The following PDE4B variants were observed in gnomAD, a reference collection of about 807,000 sequenced individuals.
The protein encoded by PDE4B is phosphodiesterase 4B.
In PDE4B, 20 loss-of-function variants were observed where a neutral mutation model predicts 82.2. The ratio of observed to expected loss-of-function variants is 0.24; its 90% CI spans 0.17 to 0.35. The LOEUF (loss-of-function observed/expected upper bound fraction) is 0.35. PDE4B is among the 10% of genes least tolerant of loss of function. The pLI, the probability that PDE4B is intolerant of heterozygous loss-of-function variation, is 1.00. For missense variants in PDE4B, 655 were observed against 907.2 expected, an observed-to-expected ratio of 0.72 and a Z score of 3.57; for synonymous variants, 320 against 318.9, an observed-to-expected ratio of 1.00 and a Z score of -0.04.
At chr1:66,258,087 C>G (rs545213970) in intron 6 of PDE4B, among the ~76,000 whole-genome samples, 2 of 152,244 alleles carry the variant, frequency 1.3e-5, no homozygotes, top group African/African-American at 2.4e-5. Context: ...ACCCATAAGA[C>G]TCAGTACCAA....
intron 1 of PDE4B, among the ~76,000 whole-genome samples, chr1:65,899,306 A>C (rs1461019031): frequency 6.6e-6 from 1 of 151,854 alleles, no homozygotes; most frequent in East Asian, 1.9e-4. Context: ...TAATAAAAAA[A>C]ATAAAAAATA....
At chr1:66,012,471 A>C (rs773542070) in intron 3 of PDE4B, among the ~76,000 whole-genome samples, 2 of 152,102 alleles carry the variant, frequency 1.3e-5, no homozygotes, top group Non-Finnish European at 2.9e-5. Flanking sequence ...ACCTAGGAAT[A>C]ACACTTGAGT....
intron 1 of PDE4B, among the ~76,000 whole-genome samples, chr1:65,810,914 G>C: frequency 6.6e-6 from 1 of 152,060 alleles, no homozygotes; most frequent in Non-Finnish European, 1.5e-5. Flanking sequence ...CTTCGAATAC[G>C]TTAGGGTTTC....
intron 7 of PDE4B, among the ~76,000 whole-genome samples, chr1:66,300,545 G>A (rs1557687264): frequency 6.6e-6 from 1 of 152,166 alleles, no homozygotes; most frequent in Non-Finnish European, 1.5e-5. Flanking sequence ...TGATAATAGA[G>A]GATGGACCAG....
chr1:66,200,847 T>G (rs1188093383), intron 3 of PDE4B, among the ~76,000 whole-genome samples: 5 of 152,186 alleles, frequency 3.3e-5, no homozygotes, highest in African/African-American at 4.8e-5. Context: ...TTCCTTCTCC[T>G]ACCTAATTGC....
At chr1:66,193,438 A>G (rs1368484980) in intron 3 of PDE4B, among the ~76,000 whole-genome samples, 1 of 152,070 alleles carries the variant, frequency 6.6e-6, no homozygotes, top group East Asian at 1.9e-4. Flanking sequence ...CTGTTCCTCT[A>G]GTGTGCTTCA....
At chr1:66,302,897 C>A (rs1456518871) in intron 7 of PDE4B, among the ~76,000 whole-genome samples, 1 of 152,146 alleles carries the variant, frequency 6.6e-6, no homozygotes, top group Non-Finnish European at 1.5e-5. Context: ...CCCTCCCCAA[C>A]CTCTATCTGT....
intron 1 of PDE4B, among the ~76,000 whole-genome samples, chr1:65,841,107 G>T (rs1033473942): frequency 1.3e-5 from 2 of 152,248 alleles, no homozygotes; most frequent in African/African-American, 4.8e-5. Flanking sequence ...GACCAGCCTA[G>T]GCAACATGGT....
intron 3 of PDE4B, among the ~76,000 whole-genome samples, chr1:66,073,013 C>T (rs1656234108): frequency 2.1e-5 from 2 of 96,408 alleles, no homozygotes; most frequent in Admixed American, 2.0e-4. Flanking sequence ...CAGCCTTTAG[C>T]CCTTTTTTTT....
At chr1:66,211,947 T>C (rs1480574970) in intron 3 of PDE4B, among the ~76,000 whole-genome samples, 1 of 152,226 alleles carries the variant, frequency 6.6e-6, no homozygotes, top group Admixed American at 6.5e-5. Flanking sequence ...CCTGAATGCA[T>C]TTCACAAACA....
chr1:65,956,487 A>G (rs1490120629), intron 3 of PDE4B, among the ~76,000 whole-genome samples: 1 of 152,134 alleles, frequency 6.6e-6, no homozygotes, highest in African/African-American at 2.4e-5. Flanking sequence ...ATAGTATTAC[A>G]GTACAACTAT....
chr1:65,967,682 C>T lies in PDE4B; in HGVS notation c.281+48847C>T, dbSNP rs752058804. 8.9e-4 allele frequency among the ~76,000 whole-genome samples: 135 copies of T among 152,086 alleles called. 1 individual carries two copies. Among genetic ancestry groups the T allele is most frequent in the Non-Finnish European group, 8.1e-4 (55 of 67,998 alleles). ...GGCTCATATACACCATGGAATACTACGCAGCCATAAAAAAGGATGAGTTCA... is the reference window on the plus strand; with the variant it reads ...GGCTCATATACACCATGGAATACTATGCAGCCATAAAAAAGGATGAGTTCA... On this transcript the variant is annotated intron_variant, in intron 3 of 16. Transcript: ENST00000341517.
chr1:65,867,939 C>G (rs899926627), intron 1 of PDE4B, among the ~76,000 whole-genome samples: 7 of 152,212 alleles, frequency 4.6e-5, no homozygotes, highest in Non-Finnish European at 7.3e-5. Flanking sequence ...TACAGAGTCA[C>G]TAGTGCACTC....
intron 3 of PDE4B, among the ~76,000 whole-genome samples, chr1:66,076,502 G>A (rs933457315): frequency 1.3e-5 from 2 of 152,032 alleles, no homozygotes; most frequent in African/African-American, 2.4e-5. Context: ...TGCCTTTTTG[G>A]TAGAACAGTT....
chr1:66,331,512 G>T (rs1049159274), intron 7 of PDE4B, among the ~76,000 whole-genome samples: 1 of 152,102 alleles, frequency 6.6e-6, no homozygotes, highest in Non-Finnish European at 1.5e-5. Flanking sequence ...GACATGTTAA[G>T]GATATGTAAA....
At chr1:65,822,814 A>G (rs1200298257) in intron 1 of PDE4B, among the ~76,000 whole-genome samples, 2 of 152,126 alleles carry the variant, frequency 1.3e-5, no homozygotes, top group Non-Finnish European at 2.9e-5. Context: ...CAGTGTCTTG[A>G]TCTTGGACTT....
At chr1:65,945,690 CTGTA>C (rs1337270057) in intron 3 of PDE4B, among the ~76,000 whole-genome samples, 1 of 152,002 alleles carries the variant, frequency 6.6e-6, no homozygotes, top group Non-Finnish European at 1.5e-5. Flanking sequence ...TGTGGCTACA[CTGTA>C]TGTAAGACCA....
intron 2 of PDE4B, among the ~76,000 whole-genome samples, chr1:65,914,314 G>C (rs1287832975): frequency 6.6e-6 from 1 of 152,062 alleles, no homozygotes; most frequent in African/African-American, 2.4e-5. Context: ...GTTCCTGTAG[G>C]ACCCACAGTG....
At chr1:65,929,849 T>C (rs1202760914) in intron 3 of PDE4B, among the ~76,000 whole-genome samples, 1 of 152,228 alleles carries the variant, frequency 6.6e-6, no homozygotes, top group Non-Finnish European at 1.5e-5. Flanking sequence ...GTGTTCTCCA[T>C]ACTATTAGAA....
Sources: gnomAD v4.1 joint callset for allele counts (sites outside exome capture counted in the v4.1 genomes callset) on GRCh38, gnomAD v4.1.1 for gene constraint, MANE v1.5 for transcripts, NCBI Gene and HGNC (gene_info 2026-07-23, HGNC 2026-07-21) for gene names.